The following SRP68 variants were observed in gnomAD, a reference collection of about 807,000 sequenced individuals.
SRP68 encodes signal recognition particle 68, also known as signal recognition particle subunit SRP68.
SRP68 carries 15 observed loss-of-function variants against 82.2 expected under a neutral mutation model. That is an observed-to-expected ratio of 0.18 (90% CI 0.12 to 0.28). The LOEUF is 0.28. Ranked by LOEUF, SRP68 falls within the 10% of genes least tolerant of loss-of-function variation. The probability of loss-of-function intolerance (pLI) is 1.00; values close to 1 mark genes in which losing one functional copy is unlikely to be tolerated. For missense variants in SRP68, 595 were observed against 780.5 expected (o/e 0.76, Z 2.83); for synonymous variants, 261 against 292.6 (o/e 0.89, Z 1.10).
At position 76,039,028 on chromosome 17, in the gene SRP68, G is replaced by A. The variant is rs924611153; in HGVS notation, c.*678C>T. ...AAGTCAGGTTACACTTGACCTCACC[G>A]GCTTCACGCAACTAGGCTCCCGAGG... On this transcript the variant is annotated 3_prime_UTR_variant, in exon 16 of 16. Coordinates refer to ENST00000307877, the MANE Select transcript of SRP68 (RefSeq NM_014230.4). 2 of 210,156 alleles carry A rather than the reference G, an allele frequency of 9.5e-6. No homozygotes were observed. The allele number at this position is 210,156 out of a possible 1,614,324, so 13.0% of individuals were successfully genotyped here.
chr17:76,067,372 A>T, intron 2 of SRP68, 42 bp from the exon 3 acceptor site: 1 of 1,412,988 alleles, frequency 7.1e-7, no homozygotes, highest in African/African-American at 1.4e-5. Flanking sequence ...CCAAGCTGAG[A>T]GTATTTTGAA....
chr17:76,060,639 A>G, intron 6 of SRP68: 1 of 441,596 alleles, frequency 2.3e-6, no homozygotes. Context: ...AGAATGTACA[A>G]CATCAAGCGT....
chr17:76,044,498 G>A (rs1346385601), intron 12 of SRP68, among the ~76,000 whole-genome samples: 3 of 152,184 alleles, frequency 2.0e-5, no homozygotes, highest in South Asian at 4.1e-4. Flanking sequence ...GCATGTGAGG[G>A]CCACAAGAGG....
intron 8 of SRP68, chr17:76,053,667 GC>G: frequency 2.0e-6 from 2 of 985,178 alleles, no homozygotes; most frequent in Non-Finnish European, 2.4e-6. Flanking sequence ...GATTTGAAGG[GC>G]GGGACTTAAG....
intron 4 of SRP68, among the ~76,000 whole-genome samples, chr17:76,062,001 G>T (rs532732269): frequency 1.0e-4 from 15 of 150,452 alleles, no homozygotes; most frequent in Non-Finnish European, 1.6e-4. Flanking sequence ...AATTACCCGG[G>T]TGTGGCCAGG....
chr17:76,061,973 T>C (rs1024669567), intron 4 of SRP68, among the ~76,000 whole-genome samples: 1 of 150,394 alleles, frequency 6.6e-6, no homozygotes, highest in Admixed American at 6.6e-5. Flanking sequence ...ATCTCATCTC[T>C]ACCAAAAATT....
intron 7 of SRP68, among the ~76,000 whole-genome samples, chr17:76,059,120 T>C (rs1253808806): frequency 1.3e-5 from 2 of 152,114 alleles, no homozygotes; most frequent in Non-Finnish European, 2.9e-5. Flanking sequence ...GTGGTAACCT[T>C]CACCTGTAGT....
intron 8 of SRP68, chr17:76,053,668 C>T (rs1436233677): frequency 8.1e-6 from 8 of 984,910 alleles, no homozygotes; most frequent in Admixed American, 6.2e-5. Flanking sequence ...ATTTGAAGGG[C>T]GGGACTTAAG....
Position 76,071,643 on chromosome 17 carries a change from T to C in SRP68, c.184+665A>G, listed in dbSNP as rs1428367787. On this transcript the variant is annotated intron_variant, in intron 1 of 15. Transcript: ENST00000307877. This position sits in a 1 kb window ranked among gnomAD's most constrained non-coding sequence, Gnocchi z 4.7. ...TTATTTCAGAAACTCGCCTACGTTT[T>C]CTCCATTTGTTATTCATTTCAAAAG... 6.6e-6 allele frequency among the ~76,000 whole-genome samples: 1 copy of C among 152,192 alleles called. No individual in the cohort carries two copies. Among genetic ancestry groups the C allele is most frequent in the East Asian group, 1.9e-4 (1 of 5,202 alleles).
intron 9 of SRP68, chr17:76,049,196 T>C (rs2066653722): frequency 6.6e-6 from 1 of 152,158 alleles, no homozygotes; most frequent in Non-Finnish European, 1.5e-5. Flanking sequence ...ATGGTTAAGG[T>C]TTTATGTTTA....
chr17:76,056,318 T>C (rs770453452), intron 8 of SRP68, among the ~76,000 whole-genome samples: 1 of 152,186 alleles, frequency 6.6e-6, no homozygotes, highest in Non-Finnish European at 1.5e-5. Flanking sequence ...TCTTCCAGCA[T>C]TGATCACTTT....
At chr17:76,051,371 G>C (rs1171582177) in intron 8 of SRP68, among the ~76,000 whole-genome samples, 4 of 152,196 alleles carry the variant, frequency 2.6e-5, no homozygotes, top group Non-Finnish European at 5.9e-5. Flanking sequence ...TGTGTGACTG[G>C]CAGACCCACT....
chr17:76,041,830 C>T (rs796456251), intron 13 of SRP68, among the ~76,000 whole-genome samples: 2 of 152,112 alleles, frequency 1.3e-5, no homozygotes, highest in African/African-American at 2.4e-5. Context: ...TGAGCTTGCA[C>T]GGGATCCAGC....
chr17:76,040,033 C>T (rs1268685808), intron 15 of SRP68, 100 bp from the exon 16 acceptor site: 61 of 1,152,296 alleles, frequency 5.3e-5, no homozygotes, highest in South Asian at 4.9e-4. Flanking sequence ...TTTACAGGGG[C>T]CATCTCACTC....
rs745844759 is a variant in SRP68, at chr17:76,061,560, G to A, written c.576C>T (p.Tyr192=). 2 of 1,613,982 alleles carry A rather than the reference G, an allele frequency of 1.2e-6. No homozygotes were observed. Among genetic ancestry groups the A allele is most frequent in the South Asian group, 1.1e-5 (1 of 91,082 alleles). ...GTTCAAAACGTAGCATTCCTGAGAG[G>A]TAAGCTGTGTAAGCCTGTGAGGAGA... ...TKLEAQAYTA[Y]LSGMLRFEHQ... Residue 192 remains tyrosine, a synonymous_variant, in exon 5 of 16, where the codon TAC becomes TAT. Transcript: ENST00000307877.
At chr17:76,065,437 CA>C (rs11338515) in intron 3 of SRP68, among the ~76,000 whole-genome samples, 40,222 of 79,108 alleles carry the variant, frequency 0.51, 7,875 homozygotes, top group African/African-American at 0.7. Flanking sequence ...GACCCTGTCT[CA>C]AAAAAAAAAA....
Position 76,039,606 on chromosome 17 carries a change from G to A in SRP68, c.*100C>T. On this transcript the variant is annotated 3_prime_UTR_variant, in exon 16 of 16. Transcript: ENST00000307877. ...CGAAGATGTTAAACTCTTGCCCCGG[G>A]CCAATGCAGACCTGGATTTAATATC... The A allele has an allele frequency of 8.6e-7, 1 of 1,165,790 alleles. No homozygotes were observed. The highest frequency in any genetic ancestry group is 1.2e-6 in the Non-Finnish European group (1 of 814,648). The allele number at this position is 1,165,790 out of a possible 1,614,324, so 72.2% of individuals were successfully genotyped here. A position where few individuals can be genotyped will look rare whatever the true frequency, so the allele number is the denominator to read the frequency against.
rs550028810 is a variant in SRP68, at chr17:76,057,268, G to A, written c.978+135C>T. 4.6e-5 allele frequency: 47 copies of A among 1,018,434 alleles called. 1 individual carries two copies. The highest frequency in any genetic ancestry group is 1.1e-4 in the South Asian group (7 of 66,448). The allele number at this position is 1,018,434 out of a possible 1,614,324, so 63.1% of individuals were successfully genotyped here. The stretch of plus-strand genomic sequence containing the variant: ...ATTTTATTCAATAAGGCACATCTCC[G>A]TACTTACCAAATCCAAAACAGCATT... On this transcript the variant is annotated intron_variant, in intron 8 of 15. Coordinates refer to ENST00000307877, the MANE Select transcript of SRP68 (RefSeq NM_014230.4).
In SRP68 at chr17:76,040,934, C is replaced by T. The variant is rs536791282; in HGVS notation, c.1569G>A (p.Glu523=). 3.8e-4 allele frequency: 607 copies of T among 1,614,118 alleles called. 7 individuals are homozygous for T. In the South Asian group the frequency reaches 6.4e-3, roughly 17 times the overall value. ...TGGCTGCGGCCTGCAGGGAGCACTT[C>T]TCTGACCGCACTTGAGTGATGAGCT... ...VQELITQVRS[E]KCSLQAAAIL... The change falls in exon 14 of 16, where the codon GAG becomes GAA. Residue 523 remains glutamate, a synonymous_variant. Transcript: ENST00000307877.
Sources: gnomAD v4.1 joint callset for allele counts (sites outside exome capture counted in the v4.1 genomes callset) on GRCh38, gnomAD v4.1.1 for gene constraint, Gnocchi (gnomAD v3.1) non-coding constraint, MANE v1.5 for transcripts, NCBI Gene and HGNC (gene_info 2026-07-23, HGNC 2026-07-21) for gene names.